RANBP2: variants seen among roughly 807,000 people sequenced by gnomAD.
The protein encoded by RANBP2 is RAN binding protein 2, also known as E3 SUMO-protein ligase RanBP2.
RANBP2 carries 57 observed loss-of-function variants against 303.6 expected under a neutral mutation model. The observed-to-expected ratio is 0.19, with a 90% CI of 0.15 to 0.23. RANBP2 has a LOEUF of 0.23. RANBP2 is among the 10% of genes least tolerant of loss of function. RANBP2 has a pLI of 1.00. For missense variants in RANBP2, 3,138 were observed against 3,780.8 expected, an observed-to-expected ratio of 0.83 and a Z score of 4.46; for synonymous variants, 1,167 against 1,301.5, an observed-to-expected ratio of 0.90 and a Z score of 2.23.
the RANBP2 span, chr2:108,885,532 A>G: frequency 6.6e-6 from 1 of 152,232 alleles, no homozygotes; most frequent in Non-Finnish European, 1.5e-5. Flanking sequence ...TAATGAGACC[A>G]GACTTTTTAT....
the RANBP2 span, among the ~76,000 whole-genome samples, chr2:109,112,778 A>G: frequency 1.2e-4 from 19 of 152,290 alleles, no homozygotes; most frequent in East Asian, 3.7e-3. Flanking sequence ...TCTAATATTT[A>G]AGTCTTTAAT....
At chr2:109,441,132 C>CA in the RANBP2 span, among the ~76,000 whole-genome samples, 2,154 of 134,036 alleles carry the variant, frequency 0.016, 52 homozygotes, top group African/African-American at 0.047. Context: ...TATAGGAATA[C>CA]AAAAAAAAAA....
the RANBP2 span, among the ~76,000 whole-genome samples, chr2:108,950,279 CTTTT>C: frequency 2.5e-5 from 3 of 119,602 alleles, no homozygotes; most frequent in African/African-American, 9.3e-5. Context: ...TTCTTTCTTT[CTTTT>C]TTTTCTTTTT....
At chr2:109,630,792 G>A in the RANBP2 span, among the ~76,000 whole-genome samples, 19 of 152,178 alleles carry the variant, frequency 1.2e-4, no homozygotes, top group African/African-American at 3.9e-4. Flanking sequence ...GAGGCTGGGC[G>A]CGGTGGCTCA....
chr2:109,708,501 TA>T, the RANBP2 span, among the ~76,000 whole-genome samples: 1 of 151,644 alleles, frequency 6.6e-6, no homozygotes, highest in African/African-American at 2.4e-5. Context: ...CTACAAAAAG[TA>T]AAAAAATTAG....
chr2:108,972,583 C>T, the RANBP2 span, among the ~76,000 whole-genome samples: 5 of 152,236 alleles, frequency 3.3e-5, no homozygotes, highest in African/African-American at 1.2e-4. Flanking sequence ...TGGTGCCTTG[C>T]CCTGCACGCC....
At chr2:109,313,370 C>A in the RANBP2 span, among the ~76,000 whole-genome samples, 1 of 152,340 alleles carries the variant, frequency 6.6e-6, no homozygotes, top group East Asian at 1.9e-4. Context: ...TAATGCACAG[C>A]CCGGGATGAG....
the RANBP2 span, among the ~76,000 whole-genome samples, chr2:109,242,960 G>A: frequency 6.6e-6 from 1 of 152,242 alleles, no homozygotes; most frequent in Non-Finnish European, 1.5e-5. Context: ...CTCTGTGTGA[G>A]GCTGAGTCGG....
the RANBP2 span, among the ~76,000 whole-genome samples, chr2:109,542,056 G>A: frequency 4.6e-5 from 7 of 152,190 alleles, no homozygotes; most frequent in Non-Finnish European, 7.3e-5. Context: ...CAGGATTAAC[G>A]GCTGTTAGTT....
the RANBP2 span, among the ~76,000 whole-genome samples, chr2:109,383,299 T>C: frequency 2.6e-5 from 4 of 152,228 alleles, no homozygotes; most frequent in South Asian, 4.1e-4. Flanking sequence ...CACACCCATG[T>C]GGAGTCACTG....
At chr2:108,839,398 A>G in the RANBP2 span, 3 of 1,015,558 alleles carry the variant, frequency 3.0e-6, no homozygotes, top group Admixed American at 2.5e-5. Flanking sequence ...TATTCTCTGT[A>G]TTTCAGAATA....
At chr2:108,985,965 T>C in the RANBP2 span, among the ~76,000 whole-genome samples, 1 of 152,204 alleles carries the variant, frequency 6.6e-6, no homozygotes. Context: ...CCTTAATACA[T>C]GACCTAATGA....
the RANBP2 span, among the ~76,000 whole-genome samples, chr2:108,967,989 A>G: frequency 6.6e-6 from 1 of 152,192 alleles, no homozygotes; most frequent in Non-Finnish European, 1.5e-5. Context: ...CACACAGAAC[A>G]GGACGCGTGG....
the RANBP2 span, chr2:109,545,389 A>C: frequency 6.5e-7 from 1 of 1,533,046 alleles, no homozygotes; most frequent in Non-Finnish European, 8.7e-7. Flanking sequence ...ACATACCCCA[A>C]ACCTACACGC....
chr2:108,842,202 G>GTTT, the RANBP2 span, among the ~76,000 whole-genome samples: 2 of 142,156 alleles, frequency 1.4e-5, no homozygotes, highest in Admixed American at 7.0e-5. Context: ...TAATTAAAAA[G>GTTT]TTTTTTTTTT....
At chr2:108,929,722 T>C in the RANBP2 span, among the ~76,000 whole-genome samples, 20 of 150,906 alleles carry the variant, frequency 1.3e-4, no homozygotes, top group Non-Finnish European at 2.2e-4. Context: ...ACCCCGGAGG[T>C]TTCCCTTAGT....
rs1315115897 is a variant in RANBP2, at chr2:108,734,595, A to G, written c.406-937A>G. Among the ~76,000 whole-genome samples, 4 of 152,016 alleles carry G rather than the reference A, an allele frequency of 2.6e-5. No homozygotes were observed. The East Asian group carries it at 5.8e-4, about 22-fold the overall frequency. ...TTGCCTGACAGAAGAAAGTGTGTAT[A>G]TTTATATGTGTTTACAGGTGTTTAA... On this transcript the variant is annotated intron_variant, in intron 4 of 28. Transcript: ENST00000283195.
At chr2:109,127,741 CAGG>C in the RANBP2 span, 1 of 152,114 alleles carries the variant, frequency 6.6e-6, no homozygotes, top group African/African-American at 2.4e-5. Flanking sequence ...TTCAACTATT[CAGG>C]AGGCTGAGGT....
chr2:109,760,878 T>G, the RANBP2 span, among the ~76,000 whole-genome samples: 38 of 57,310 alleles, frequency 6.6e-4, no homozygotes, highest in South Asian at 3.8e-3. Flanking sequence ...CCGGCCGCCG[T>G]GGGGGTGGGG....
Sources: allele counts gnomAD v4.1 joint callset (sites outside exome capture counted in the v4.1 genomes callset), GRCh38; gene constraint gnomAD v4.1.1; transcripts MANE v1.5; gene names NCBI Gene and HGNC (gene_info 2026-07-23, HGNC 2026-07-21).